The following CHIA variants were observed in gnomAD, a reference collection of about 807,000 sequenced individuals.
CHIA encodes acidic mammalian chitinase.
A neutral mutation model predicts 53.5 loss-of-function variants in CHIA; 47 were observed. The observed-to-expected ratio is 0.88, with a 90% CI of 0.70 to 1.12. The LOEUF (loss-of-function observed/expected upper bound fraction) is 1.12. Ranked by LOEUF, CHIA falls within the 50% of genes most tolerant of loss-of-function variation. The pLI, the probability that CHIA is intolerant of heterozygous loss-of-function variation, is 0.00. For missense variants in CHIA, 652 were observed against 592.2 expected (o/e 1.10, Z -1.05); for synonymous variants, 268 against 222.2 (o/e 1.21, Z -1.83).
intron 1 of CHIA, among the ~76,000 whole-genome samples, chr1:111,307,802 C>T (rs912208522): frequency 6.6e-6 from 1 of 152,040 alleles, no homozygotes; most frequent in Non-Finnish European, 1.5e-5. Context: ...CCACCACACC[C>T]AGCTAATTTT....
intron 1 of CHIA, among the ~76,000 whole-genome samples, chr1:111,306,975 A>G (rs1648232247): frequency 6.6e-6 from 1 of 152,238 alleles, no homozygotes; most frequent in Non-Finnish European, 1.5e-5. Flanking sequence ...ATGTGGAGTG[A>G]TAGGAATTCT....
intron 5 of CHIA, 115 bp from the exon 6 acceptor site, chr1:111,315,155 A>T: frequency 2.7e-6 from 2 of 730,634 alleles, no homozygotes; most frequent in Non-Finnish European, 4.8e-6. Flanking sequence ...AACATGCTTT[A>T]CTCTGGGCTG....
At chr1:111,317,655 T>C in intron 6 of CHIA, 26 bp from the exon 7 acceptor site, 2 of 1,612,374 alleles carry the variant, frequency 1.2e-6, no homozygotes, top group Middle Eastern at 1.7e-4. Flanking sequence ...ATCATAGATG[T>C]CCTATTATGC....
intron 6 of CHIA, chr1:111,317,069 C>T (rs1004723988): frequency 2.6e-5 from 4 of 152,502 alleles, no homozygotes; most frequent in Admixed American, 1.3e-4. Flanking sequence ...TATCTTAATG[C>T]CTTCAATCAA....
intron 1 of CHIA, among the ~76,000 whole-genome samples, chr1:111,295,631 T>A: frequency 1.0e-5 from 1 of 96,572 alleles, no homozygotes; most frequent in Non-Finnish European, 2.5e-5. Context: ...ACCGGGTTCA[T>A]CTCATTGGGA....
chr1:111,309,021 G>A (rs959254869), intron 1 of CHIA, among the ~76,000 whole-genome samples: 1 of 152,176 alleles, frequency 6.6e-6, no homozygotes, highest in Non-Finnish European at 1.5e-5. Context: ...ACTAGGGCCT[G>A]TCAGTGGGGG....
chr1:111,319,446 G>C lies in CHIA; in HGVS notation c.1155G>C (p.Lys385Asn). Reference protein sequence around the residue: ...GKFPLISTLKKALGLQSASCT... With the variant: ...GKFPLISTLKNALGLQSASCT... ...TTCCCCTAATCTCCACCCTGAAGAA[G>C]GCCCTCGGCCTGCAGAGTGCAAGTA... is the stretch of plus-strand genomic sequence containing the variant. Residue 385 changes from lysine to asparagine, a missense_variant, in exon 11 of 12, where the codon AAG becomes AAC. Transcript: ENST00000369740. The C allele has an allele frequency of 6.2e-7, 1 of 1,614,038 alleles. No homozygotes were observed. Among genetic ancestry groups the C allele is most frequent in the Middle Eastern group, 1.7e-4 (1 of 5,996 alleles).
intron 1 of CHIA, among the ~76,000 whole-genome samples, chr1:111,295,380 G>A (rs12562861): frequency 0.28 from 42,308 of 151,958 alleles, 6,176 homozygotes; most frequent in East Asian, 0.36. Flanking sequence ...TCTCCTTAGT[G>A]GTTATAAGTC....
intron 5 of CHIA, 81 bp from the exon 6 acceptor site, chr1:111,315,189 G>A: frequency 9.7e-7 from 1 of 1,029,212 alleles, no homozygotes; most frequent in Non-Finnish European, 1.5e-6. Flanking sequence ...AGGGCTCTGA[G>A]GCAGGAATTG....
intron 1 of CHIA, among the ~76,000 whole-genome samples, chr1:111,296,006 G>A (rs1661314792): frequency 6.6e-6 from 1 of 152,270 alleles, no homozygotes; most frequent in African/African-American, 2.4e-5. Flanking sequence ...CCTGGCAGGA[G>A]GAGGGGCATC....
In CHIA at chr1:111,319,488, T is replaced by C. The variant is rs559458629; in HGVS notation, c.1177+20T>C. ...GTGCAAGTAAGTGACTGAGGGGGAA[T>C]GCCCAGGTGTATAAATACCCCTTCT... On this transcript the variant is annotated intron_variant, in intron 11 of 11. Coordinates refer to ENST00000369740, the MANE Select transcript of CHIA (RefSeq NM_201653.4). 23 of 1,612,260 alleles carry C rather than the reference T, an allele frequency of 1.4e-5. No homozygotes were observed. The South Asian group carries it at 2.1e-4, about 15-fold the overall frequency.
At chr1:111,305,015 A>G (rs1169151600) in intron 1 of CHIA, among the ~76,000 whole-genome samples, 1 of 152,084 alleles carries the variant, frequency 6.6e-6, no homozygotes, top group East Asian at 1.9e-4. Context: ...CTCCCAGCTC[A>G]GCCTCCACAG....
At chr1:111,312,770 G>A (rs1445405891) in intron 4 of CHIA, among the ~76,000 whole-genome samples, 12 of 151,946 alleles carry the variant, frequency 7.9e-5, no homozygotes, top group Non-Finnish European at 1.5e-4. Flanking sequence ...CTGAAATTTT[G>A]TATCCTTTGA....
intron 1 of CHIA, among the ~76,000 whole-genome samples, chr1:111,299,905 G>T (rs928958135): frequency 7.9e-5 from 12 of 152,132 alleles, no homozygotes; most frequent in Admixed American, 7.9e-4. Flanking sequence ...AAATCAAAGT[G>T]CAAAAATCAC....
intron 1 of CHIA, among the ~76,000 whole-genome samples, chr1:111,308,606 C>T (rs1287256420): frequency 6.6e-6 from 1 of 152,050 alleles, no homozygotes; most frequent in Non-Finnish European, 1.5e-5. Flanking sequence ...ATTTTGTGAC[C>T]AGTCCTTGTG....
chr1:111,314,692 G>A (rs1368394804), intron 5 of CHIA, 96 bp downstream of exon 5: 2 of 812,194 alleles, frequency 2.5e-6, no homozygotes, highest in Non-Finnish European at 2.1e-6. Context: ...ATCTAAGACA[G>A]GGTATTGAGG....
chr1:111,303,959 T>C (rs1002515505), intron 1 of CHIA, among the ~76,000 whole-genome samples: 1 of 152,196 alleles, frequency 6.6e-6, no homozygotes, highest in African/African-American at 2.4e-5. Context: ...TTTGTTTATC[T>C]AGAAATGTCT....
At chr1:111,292,457 A>T (rs926491762) in intron 1 of CHIA, among the ~76,000 whole-genome samples, 1 of 152,236 alleles carries the variant, frequency 6.6e-6, no homozygotes, top group African/African-American at 2.4e-5. Flanking sequence ...ATTGACTGGC[A>T]TTGGTTATTC....
chr1:111,318,403 G>A (rs770309539), intron 8 of CHIA, 90 bp from the exon 9 acceptor site: 54 of 1,129,024 alleles, frequency 4.8e-5, no homozygotes, highest in Non-Finnish European at 6.4e-5. Flanking sequence ...TAACAGCATA[G>A]AGTTTTACCT....
Sources: gnomAD v4.1 joint callset for allele counts (sites outside exome capture counted in the v4.1 genomes callset) on GRCh38, gnomAD v4.1.1 for gene constraint, MANE v1.5 for transcripts, NCBI Gene and HGNC (gene_info 2026-07-23, HGNC 2026-07-21) for gene names.